The following SPATS2L variants were observed in gnomAD, a reference collection of about 807,000 sequenced individuals.
SPATS2L encodes the protein SPATS2-like protein.
In SPATS2L, 30 loss-of-function variants were observed where a neutral mutation model predicts 59.6. The ratio of observed to expected loss-of-function variants is 0.50; its 90% CI spans 0.38 to 0.68. SPATS2L has a LOEUF of 0.68. SPATS2L is among the 30% of genes least tolerant of loss of function. The probability of loss-of-function intolerance (pLI) is 0.00; values close to 1 mark genes in which losing one functional copy is unlikely to be tolerated. For synonymous variants in SPATS2L, 252 were observed against 263.5 expected, an observed-to-expected ratio of 0.96 and a Z score of 0.42; for missense variants, 615 against 700.0, an observed-to-expected ratio of 0.88 and a Z score of 1.37.
At position 200,477,794 on chromosome 2, in the gene SPATS2L, G is replaced by A; in HGVS notation, c.1440G>A (p.Arg480=). Residue 480 remains arginine (R), a synonymous_variant, in exon 13 of 13, where the codon CGG becomes CGA. Transcript: ENST00000409140. ...GAAGACAGCCGCACAACGGCTTCCG[G>A]CCCAAAAACAAAGGCGGTGCCAAAA... ...EHRRQPHNGF[R]PKNKGGAKNQ... 1.3e-6 allele frequency: 2 copies of A among 1,576,356 alleles called. No homozygotes were observed. Among genetic ancestry groups the A allele is most frequent in the Non-Finnish European group, 1.7e-6 (2 of 1,160,918 alleles).
chr2:200,315,475 T>C (rs1367633932), intron 1 of SPATS2L, among the ~76,000 whole-genome samples: 2 of 152,150 alleles, frequency 1.3e-5, no homozygotes, highest in African/African-American at 4.8e-5. Flanking sequence ...AGGCACCAGC[T>C]GAAACCCTGA....
At position 200,370,276 on chromosome 2, in the gene SPATS2L, T is replaced by C. The variant is rs116113473; in HGVS notation, c.-22-18947T>C. Among the ~76,000 whole-genome samples the C allele has an allele frequency of 2.5e-3, 375 of 152,328 alleles. 3 individuals carry two copies. The highest frequency in any genetic ancestry group is 6.8e-3 in the Middle Eastern group (2 of 294). On this transcript the variant is annotated intron_variant, in intron 2 of 12. Coordinates refer to ENST00000409140, the MANE Select transcript of SPATS2L (RefSeq NM_001100423.2). ...TAGGCTCCAAGAAGTCAAGCAGGACTAAGTGATTTTCCTGTTCAATAGAAT... is the reference window on the plus strand; with the variant it reads ...TAGGCTCCAAGAAGTCAAGCAGGACCAAGTGATTTTCCTGTTCAATAGAAT...
At chr2:200,459,703 G>T (rs540288187) in intron 8 of SPATS2L, 66 bp from the exon 9 acceptor site, 2 of 1,204,356 alleles carry the variant, frequency 1.7e-6, no homozygotes, top group Non-Finnish European at 2.4e-6. Flanking sequence ...TACTTTCAGT[G>T]CTTATTAAAA....
In SPATS2L at chr2:200,416,429, G is replaced by A; in HGVS notation, c.198+1G>A. 6.9e-7 allele frequency: 1 copy of A among 1,448,596 alleles called. No homozygotes were observed. The highest frequency in any genetic ancestry group is 9.4e-7 in the Non-Finnish European group (1 of 1,068,424). 89.7% of individuals were successfully genotyped at this position (1,448,596 alleles called of 1,614,324 possible). On this transcript the variant is annotated splice_donor_variant, in intron 5 of 12. Coordinates refer to ENST00000409140, the MANE Select transcript of SPATS2L (RefSeq NM_001100423.2). LOFTEE classifies it high-confidence loss of function. ...ATGGAATATGACAGGAAAAAAGAAG[G>A]TAAGATTAATATTGATTGTAAATTG...
intron 2 of SPATS2L, among the ~76,000 whole-genome samples, chr2:200,364,176 C>T (rs2081195590): frequency 6.6e-6 from 1 of 152,108 alleles, no homozygotes; most frequent in African/African-American, 2.4e-5. Context: ...TTCTCTAGAG[C>T]TTCCAAAAAG....
At chr2:200,333,817 A>G (rs1470313126) in intron 2 of SPATS2L, among the ~76,000 whole-genome samples, 1 of 152,114 alleles carries the variant, frequency 6.6e-6, no homozygotes, top group Non-Finnish European at 1.5e-5. Flanking sequence ...CCATGTCCCT[A>G]CAAAGGACAT....
At chr2:200,389,364 T>A in intron 3 of SPATS2L, 81 bp downstream of exon 3, 1 of 1,001,830 alleles carries the variant, frequency 1.0e-6, no homozygotes, top group Non-Finnish European at 1.5e-6. Flanking sequence ...TCAATTACAG[T>A]GGAGAAAGGG....
In SPATS2L at chr2:200,389,359, T is replaced by C; in HGVS notation, c.39+76T>C. 3 of 1,060,384 alleles carry C rather than the reference T, an allele frequency of 2.8e-6. No individual in the cohort carries two copies. The South Asian group carries it at 4.4e-5, about 15-fold the overall frequency. The allele number at this position is 1,060,384 out of a possible 1,614,324, so 65.7% of individuals were successfully genotyped here. On this transcript the variant is annotated intron_variant, in intron 3 of 12. Coordinates refer to ENST00000409140, the MANE Select transcript of SPATS2L (RefSeq NM_001100423.2). ...AGTTCCTAGCAGGTAAAAACTCAAT[T>C]ACAGTGGAGAAAGGGAAAGTGGTTT...
At chr2:200,477,017 C>T (rs1394950950) in intron 12 of SPATS2L, among the ~76,000 whole-genome samples, 1 of 152,258 alleles carries the variant, frequency 6.6e-6, no homozygotes, top group African/African-American at 2.4e-5. Flanking sequence ...CCGACTCAGA[C>T]TGCAGTCTCC....
intron 1 of SPATS2L, among the ~76,000 whole-genome samples, chr2:200,322,593 CG>C (rs1385944908): frequency 2.6e-5 from 4 of 152,154 alleles, no homozygotes; most frequent in Non-Finnish European, 5.9e-5. Flanking sequence ...GTCAGCCATT[CG>C]GAACATTTCT....
chr2:200,425,045 G>A (rs1284844077), intron 6 of SPATS2L, among the ~76,000 whole-genome samples: 5 of 151,502 alleles, frequency 3.3e-5, no homozygotes, highest in South Asian at 2.1e-4. Flanking sequence ...CAGCACCTGC[G>A]CAGAGCTGCT....
intron 2 of SPATS2L, among the ~76,000 whole-genome samples, chr2:200,356,117 T>C (rs1272774283): frequency 1.3e-5 from 2 of 152,216 alleles, no homozygotes; most frequent in African/African-American, 4.8e-5. Context: ...TTATTTGAAT[T>C]ACAAGTCAGT....
At position 200,439,635 on chromosome 2, in the gene SPATS2L, A is replaced by C. The variant is rs537024901; in HGVS notation, c.652+307A>C. 1.6e-4 allele frequency among the ~76,000 whole-genome samples: 25 copies of C among 152,344 alleles called. No individual in the cohort carries two copies. The South Asian group carries it at 4.8e-3, about 29-fold the overall frequency. ...CTAATATCTTATAAAGCAAGTGCTC[A>C]TTCAGGAGCTCTTTTAAAAATGTAA... On this transcript the variant is annotated intron_variant, in intron 7 of 12. Transcript: ENST00000409140.
intron 3 of SPATS2L, among the ~76,000 whole-genome samples, chr2:200,410,148 GTAA>G (rs996570941): frequency 1.3e-5 from 2 of 151,794 alleles, no homozygotes; most frequent in Non-Finnish European, 2.9e-5. Flanking sequence ...GCCTGATGTG[GTAA>G]TAATGATGGT....
At chr2:200,417,530 A>G (rs1357149314) in intron 5 of SPATS2L, among the ~76,000 whole-genome samples, 1 of 152,188 alleles carries the variant, frequency 6.6e-6, no homozygotes, top group Non-Finnish European at 1.5e-5. Context: ...TGATGTGAAA[A>G]AAAGAGCAGA....
chr2:200,309,214 A>G lies in SPATS2L; in HGVS notation c.-73+2292A>G. ...TATCAATCACAGTGAATGTTCGTGAATGGTTGTGTGTTGAAAGGGCATAGG... is the reference window on the plus strand; with the variant it reads ...TATCAATCACAGTGAATGTTCGTGAGTGGTTGTGTGTTGAAAGGGCATAGG... On this transcript the variant is annotated intron_variant, in intron 1 of 12. Transcript: ENST00000409140. 3 of 708,818 alleles carry G rather than the reference A, an allele frequency of 4.2e-6. No homozygotes were observed. In the Admixed American group the frequency reaches 6.0e-5, roughly 14 times the overall value. The allele number at this position is 708,818 out of a possible 1,614,324, so 43.9% of individuals were successfully genotyped here.
chr2:200,442,397 G>A (rs2084759811), intron 8 of SPATS2L, among the ~76,000 whole-genome samples: 2 of 152,264 alleles, frequency 1.3e-5, no homozygotes, highest in South Asian at 4.1e-4. Flanking sequence ...ATGGCCTTAA[G>A]GTCTCTATGC....
At chr2:200,307,828 G>C (rs2079078013) in intron 1 of SPATS2L, among the ~76,000 whole-genome samples, 2 of 152,352 alleles carry the variant, frequency 1.3e-5, no homozygotes, top group South Asian at 4.1e-4. Context: ...CCTGGTTTTA[G>C]CAGATGTCGG....
At chr2:200,406,986 TAAG>T (rs1239382030) in intron 3 of SPATS2L, among the ~76,000 whole-genome samples, 1 of 152,148 alleles carries the variant, frequency 6.6e-6, no homozygotes, top group East Asian at 1.9e-4. Flanking sequence ...GGAGGTTCTC[TAAG>T]AAGAAGGGTA....
Sources: gnomAD v4.1 joint callset for allele counts (sites outside exome capture counted in the v4.1 genomes callset) on GRCh38, gnomAD v4.1.1 for gene constraint, MANE v1.5 for transcripts, NCBI Gene and HGNC (gene_info 2026-07-23, HGNC 2026-07-21) for gene names.